Variants in CENPP observed in about 807,000 individuals in gnomAD.
The protein encoded by CENPP is centromere protein P.
In CENPP, 24 loss-of-function variants were observed where a neutral mutation model predicts 35.6. The observed-to-expected ratio is 0.67, with a 90% CI of 0.49 to 0.95. The LOEUF (loss-of-function observed/expected upper bound fraction) is 0.95, where lower values mean the gene tolerates loss of function less well. CENPP is among the 40% of genes least tolerant of loss of function. CENPP has a pLI of 0.00. For missense variants in CENPP, 332 were observed against 345.3 expected (o/e 0.96, Z 0.31); for synonymous variants, 120 against 125.5 (o/e 0.96, Z 0.29).
intron 5 of CENPP, among the ~76,000 whole-genome samples, chr9:92,573,623 A>G (rs993323816): frequency 1.3e-5 from 2 of 152,162 alleles, no homozygotes; most frequent in African/African-American, 2.4e-5. Context: ...GCTCTCTTCA[A>G]AGCTGTCAGA....
intron 5 of CENPP, among the ~76,000 whole-genome samples, chr9:92,448,552 G>A (rs769433864): frequency 2.0e-5 from 3 of 152,024 alleles, no homozygotes; most frequent in Non-Finnish European, 4.4e-5. Context: ...GGGAGGCAAG[G>A]CTTGCTGCTG....
chr9:92,612,086 C>T (rs1980705), intron 6 of CENPP, among the ~76,000 whole-genome samples: 43,645 of 152,158 alleles, frequency 0.29, 7,042 homozygotes, highest in East Asian at 0.71. Context: ...CTCTGGAGCA[C>T]GTGGCTTCTT....
intron 5 of CENPP, among the ~76,000 whole-genome samples, chr9:92,583,958 G>C (rs1210591401): frequency 6.6e-6 from 1 of 152,202 alleles, no homozygotes; most frequent in Non-Finnish European, 1.5e-5. Flanking sequence ...CTGTCTATGA[G>C]TTGATGGCTC....
intron 5 of CENPP, among the ~76,000 whole-genome samples, chr9:92,521,334 A>G (rs1425588809): frequency 6.6e-6 from 1 of 152,172 alleles, no homozygotes; most frequent in Non-Finnish European, 1.5e-5. Flanking sequence ...TAACTAAAAA[A>G]ATTGACCTCA....
At chr9:92,475,000 A>C in intron 5 of CENPP, 1 of 1,362,946 alleles carries the variant, frequency 7.3e-7, no homozygotes, top group Non-Finnish European at 9.5e-7. Flanking sequence ...TTCTGGCAAG[A>C]GTGCAATGAA....
At chr9:92,514,821 GTCCTCCTCA>G (rs745507937) in intron 5 of CENPP, 355 of 1,612,454 alleles carry the variant, frequency 2.2e-4, no homozygotes, top group Non-Finnish European at 3.0e-4. Flanking sequence ...GGTCCTCCTC[GTCCTCCTCA>G]TCCTCCTCAC....
chr9:92,337,068 G>A (rs1358397227), intron 2 of CENPP, among the ~76,000 whole-genome samples: 2 of 151,728 alleles, frequency 1.3e-5, no homozygotes, highest in Non-Finnish European at 2.9e-5. Flanking sequence ...CAGTAATCCC[G>A]GCACTTTGGG....
At chr9:92,599,055 G>A (rs1347038615) in intron 5 of CENPP, among the ~76,000 whole-genome samples, 2 of 151,642 alleles carry the variant, frequency 1.3e-5, no homozygotes, top group Admixed American at 6.6e-5. Flanking sequence ...AACTGAGATC[G>A]CACCACTGCA....
rs143167391 is a variant in CENPP at position 92,484,421 on chromosome 9, C to T, written c.564+104562C>T. On this transcript the variant is annotated intron_variant, in intron 5 of 7. Transcript: ENST00000375587. ...CAGTGACATGCTTTTGAGATCCATT[C>T]GTGTCATTGTGATACACAGTAGTTC... 6.7e-4 allele frequency among the ~76,000 whole-genome samples: 102 copies of T among 152,222 alleles called. 1 individual carries two copies. The highest frequency in any genetic ancestry group is 1.7e-3 in the Admixed American group (26 of 15,286).
Position 92,433,386 on chromosome 9 carries a change from G to GT in CENPP, c.564+53531dup, listed in dbSNP as rs1844167300. Among the ~76,000 whole-genome samples the GT allele has an allele frequency of 1.3e-5, 2 of 152,110 alleles. 1 individual carries two copies. Among genetic ancestry groups the GT allele is most frequent in the Non-Finnish European group, 2.9e-5 (2 of 68,028 alleles). On this transcript the variant is annotated intron_variant, in intron 5 of 7. Transcript: ENST00000375587. ...GAGGAGTAAATTCCTCCCGCAATCA[G>GT]TTTTCGGTTTGACTGGTACTTGGTA...
At chr9:92,509,213 T>C (rs1847190684) in intron 5 of CENPP, among the ~76,000 whole-genome samples, 1 of 151,394 alleles carries the variant, frequency 6.6e-6, no homozygotes, top group South Asian at 2.1e-4. Context: ...TGCCGTGGGG[T>C]GTGGAGTTAG....
intron 5 of CENPP, among the ~76,000 whole-genome samples, chr9:92,587,013 G>A (rs866305884): frequency 4.0e-5 from 6 of 150,774 alleles, no homozygotes; most frequent in Middle Eastern, 6.8e-3. Flanking sequence ...GGGGGCGGGG[G>A]CACATGGGAA....
intron 5 of CENPP, among the ~76,000 whole-genome samples, chr9:92,580,078 G>C (rs1254164586): frequency 6.6e-6 from 1 of 151,760 alleles, no homozygotes; most frequent in Non-Finnish European, 1.5e-5. Flanking sequence ...TTTTGTCTTT[G>C]GTTCTGTTTA....
intron 5 of CENPP, among the ~76,000 whole-genome samples, chr9:92,465,694 A>G (rs900732356): frequency 5.9e-5 from 9 of 152,226 alleles, no homozygotes; most frequent in Admixed American, 5.2e-4. Context: ...CATTCCAAAT[A>G]ATATCCAAAC....
intron 5 of CENPP, chr9:92,535,935 G>A: frequency 2.1e-6 from 1 of 473,270 alleles, no homozygotes; most frequent in South Asian, 1.6e-5. Context: ...TTTTTTACCT[G>A]GAGATCTAAA....
At chr9:92,467,222 G>A (rs1228649502) in intron 5 of CENPP, among the ~76,000 whole-genome samples, 1 of 152,196 alleles carries the variant, frequency 6.6e-6, no homozygotes, top group Non-Finnish European at 1.5e-5. Context: ...AGAGTAAAAA[G>A]AGCTCGTACC....
chr9:92,478,175 C>T lies in CENPP; in HGVS notation c.564+98316C>T, dbSNP rs1047056133. On this transcript the variant is annotated intron_variant, in intron 5 of 7. Coordinates refer to ENST00000375587, the MANE Select transcript of CENPP (RefSeq NM_001012267.3). ...TTTTAAAATATTTTAAATGTCAGTCCGCCAACAGAATTTTCTTTGCTTTAT... is the reference window on the plus strand; with the variant it reads ...TTTTAAAATATTTTAAATGTCAGTCTGCCAACAGAATTTTCTTTGCTTTAT... Among the ~76,000 whole-genome samples the T allele has an allele frequency of 3.9e-5, 6 of 152,074 alleles. No individual in the cohort carries two copies. The South Asian group carries it at 6.2e-4, about 16-fold the overall frequency.
Position 92,508,252 on chromosome 9 carries a change from C to T in CENPP, c.565-103062C>T, listed in dbSNP as rs145644377. 1.3e-3 allele frequency among the ~76,000 whole-genome samples: 193 copies of T among 152,256 alleles called. 1 individual carries two copies. Among genetic ancestry groups the T allele is most frequent in the Middle Eastern group, 6.8e-3 (2 of 294 alleles). ...ACTCAGCCCACCCAGGGAGTGCAGCCGGGGGTATCTGAGCCGGAGGACAGA... is the reference window on the plus strand; with the variant it reads ...ACTCAGCCCACCCAGGGAGTGCAGCTGGGGGTATCTGAGCCGGAGGACAGA... On this transcript the variant is annotated intron_variant, in intron 5 of 7. Coordinates refer to ENST00000375587, the MANE Select transcript of CENPP (RefSeq NM_001012267.3).
chr9:92,380,701 G>T (rs1046745677), intron 5 of CENPP, among the ~76,000 whole-genome samples: 1 of 151,948 alleles, frequency 6.6e-6, no homozygotes, highest in South Asian at 2.1e-4. Flanking sequence ...TGTTATATTC[G>T]ATCATAGGTA....
Sources: gnomAD v4.1 joint callset for allele counts (sites outside exome capture counted in the v4.1 genomes callset) on GRCh38, gnomAD v4.1.1 for gene constraint, MANE v1.5 for transcripts, NCBI Gene and HGNC (gene_info 2026-07-23, HGNC 2026-07-21) for gene names.